The following HYDIN variants were observed in gnomAD, a reference collection of about 807,000 sequenced individuals.
HYDIN encodes the protein axonemal central pair apparatus protein HYDIN.
In HYDIN, 132 loss-of-function variants were observed where a neutral mutation model predicts 403.9. The ratio of observed to expected loss-of-function variants is 0.33; its 90% CI spans 0.28 to 0.38. The LOEUF is 0.38. HYDIN is among the 10% of genes least tolerant of loss of function. The pLI is 1.00. For synonymous variants in HYDIN, 1,202 were observed against 1,891.7 expected (o/e 0.64, Z 9.46); for missense variants, 2,827 against 5,009.5 (o/e 0.56, Z 13.15).
At chr16:70,980,007 G>A (rs926134805) in intron 29 of HYDIN, among the ~76,000 whole-genome samples, 11 of 151,796 alleles carry the variant, frequency 7.2e-5, no homozygotes, top group African/African-American at 2.7e-4. Flanking sequence ...GAGAACAGAA[G>A]ACCCAACTAA....
Position 71,123,981 on chromosome 16 carries a change from C to T in HYDIN, c.1227+5659G>A, listed in dbSNP as rs568995031. Among the ~76,000 whole-genome samples the T allele has an allele frequency of 5.9e-5, 9 of 152,070 alleles. No homozygotes were observed. The East Asian group carries it at 1.4e-3, about 23-fold the overall frequency. On this transcript the variant is annotated intron_variant, in intron 9 of 85. Coordinates refer to ENST00000393567, the MANE Select transcript of HYDIN (RefSeq NM_001270974.2). ...GTCTCAGATGTGTCTTTATCACCAG[C>T]GTGAGAACAGATTAATATTCTCTGG...
intron 16 of HYDIN, chr16:71,062,667 C>G (rs559964857): frequency 1.3e-3 from 240 of 188,868 alleles, no homozygotes; most frequent in Non-Finnish European, 2.3e-3. Context: ...CCCTCTGCAC[C>G]CTCACGCATC....
intron 1 of HYDIN, among the ~76,000 whole-genome samples, chr16:71,230,133 G>GT (rs1404655922): frequency 6.6e-6 from 1 of 152,168 alleles, no homozygotes; most frequent in Admixed American, 6.5e-5. Flanking sequence ...TCTTTTCTTT[G>GT]TAATTAGCCT....
intron 1 of HYDIN, among the ~76,000 whole-genome samples, chr16:71,202,231 T>C (rs572224841): frequency 6.6e-6 from 1 of 152,338 alleles, no homozygotes; most frequent in Non-Finnish European, 1.5e-5. Flanking sequence ...GGTATGTGCA[T>C]GTGTATACAC....
In HYDIN at chr16:70,840,125, C is replaced by A. The variant is rs951799810; in HGVS notation, c.12982G>T (p.Ala4328Ser). 9.2e-6 allele frequency: 8 copies of A among 870,026 alleles called. No individual in the cohort carries two copies. Among genetic ancestry groups the A allele is most frequent in the African/African-American group, 8.3e-5 (4 of 48,380 alleles). 53.9% of individuals were successfully genotyped at this position (870,026 alleles called of 1,614,324 possible). ...YNFGTCFIYQ[A>S]GMPPYKQTLV... ...GTTTGTTTGTATGGGGGCATCCCAG[C>A]TTGATAGATAAAGCAGGTCCCAAAG... The change falls in exon 76 of 86, where the codon GCT (alanine) becomes TCT (serine). Residue 4328 changes from alanine to serine, a missense_variant. By Grantham distance (99) the Ala-to-Ser change is moderately conservative. Coordinates refer to ENST00000393567, the MANE Select transcript of HYDIN (RefSeq NM_001270974.2).
intron 53 of HYDIN, among the ~76,000 whole-genome samples, chr16:70,897,319 C>G (rs1798460): frequency 1.3e-5 from 2 of 152,324 alleles, no homozygotes; most frequent in African/African-American, 2.4e-5. Flanking sequence ...ACCTCTGTCT[C>G]TGCTCCAGTT....
intron 8 of HYDIN, among the ~76,000 whole-genome samples, chr16:71,136,739 C>T (rs1195255660): frequency 1.4e-5 from 2 of 147,576 alleles, no homozygotes; most frequent in African/African-American, 5.0e-5. Flanking sequence ...TGCACACCAG[C>T]CCTGGCGACA....
intron 10 of HYDIN, among the ~76,000 whole-genome samples, chr16:71,097,675 C>A (rs2083313825): frequency 6.9e-6 from 1 of 144,752 alleles, no homozygotes; most frequent in Non-Finnish European, 1.5e-5. Flanking sequence ...TTCTCCCCAG[C>A]AGTGGGGATA....
chr16:70,894,171 C>A (rs1774429), intron 55 of HYDIN: 10 of 448,442 alleles, frequency 2.2e-5, no homozygotes, highest in African/African-American at 1.4e-4. Context: ...CACTTAAAGG[C>A]CCCTGTTAAG....
chr16:70,835,090 T>C (rs2037330591), intron 78 of HYDIN, among the ~76,000 whole-genome samples: 1 of 150,242 alleles, frequency 6.7e-6, no homozygotes, highest in Non-Finnish European at 1.5e-5. Flanking sequence ...CTCCGCCTCC[T>C]GGGTTCAAAC....
At chr16:70,922,419 T>C (rs2077023067) in intron 45 of HYDIN, among the ~76,000 whole-genome samples, 1 of 152,354 alleles carries the variant, frequency 6.6e-6, no homozygotes, top group East Asian at 1.9e-4. Context: ...ACATGATTAA[T>C]GGACTTGGGC....
At chr16:70,868,467 C>G in intron 66 of HYDIN, 103 bp downstream of exon 66, 1 of 1,449,032 alleles carries the variant, frequency 6.9e-7, no homozygotes, top group East Asian at 2.5e-5. Flanking sequence ...GAATGGGAAC[C>G]TTTTCTTTTT....
chr16:71,194,140 C>A (rs1397059154), intron 1 of HYDIN, among the ~76,000 whole-genome samples: 1 of 152,190 alleles, frequency 6.6e-6, no homozygotes, highest in African/African-American at 2.4e-5. Context: ...GGGCCGGGTG[C>A]AGTGGCTCGC....
intron 23 of HYDIN, among the ~76,000 whole-genome samples, chr16:70,995,234 T>C (rs998866162): frequency 2.0e-5 from 3 of 152,226 alleles, no homozygotes; most frequent in Non-Finnish European, 4.4e-5. Context: ...GATTTCCTTT[T>C]ACCCTCAGGA....
At chr16:70,819,830 T>C (rs1006826105) in intron 83 of HYDIN, among the ~76,000 whole-genome samples, 4 of 152,092 alleles carry the variant, frequency 2.6e-5, no homozygotes, top group African/African-American at 9.7e-5. Context: ...TTTTTTGAGA[T>C]GGAGTCTTGC....
chr16:71,184,791 T>A, intron 3 of HYDIN, 74 bp downstream of exon 3: 1 of 1,339,038 alleles, frequency 7.5e-7, no homozygotes, highest in Non-Finnish European at 1.0e-6. Context: ...AGAAACAAAT[T>A]TTACTTATTG....
At chr16:71,116,220 T>A (rs2084020972) in intron 9 of HYDIN, among the ~76,000 whole-genome samples, 1 of 145,772 alleles carries the variant, frequency 6.9e-6, no homozygotes, top group Non-Finnish European at 1.5e-5. Flanking sequence ...ACTGTTTCTA[T>A]GAGTTAGACC....
intron 59 of HYDIN, 99 bp downstream of exon 59, chr16:70,883,821 T>C (rs2040958384): frequency 4.9e-6 from 7 of 1,430,484 alleles, no homozygotes; most frequent in Non-Finnish European, 6.7e-6. Flanking sequence ...TCTGCCCGCC[T>C]TGGCCTCCCA....
chr16:71,115,178 T>TG (rs1162927758), intron 10 of HYDIN, among the ~76,000 whole-genome samples: 1 of 151,698 alleles, frequency 6.6e-6, no homozygotes, highest in Admixed American at 6.6e-5. Flanking sequence ...AACTGAATCA[T>TG]GGGGGCAGTT....
Sources: allele counts gnomAD v4.1 joint callset (sites outside exome capture counted in the v4.1 genomes callset), GRCh38; gene constraint gnomAD v4.1.1; transcripts MANE v1.5; gene names NCBI Gene and HGNC (gene_info 2026-07-23, HGNC 2026-07-21).